The following ALMS1 variants were observed in gnomAD, a reference collection of about 807,000 sequenced individuals.
ALMS1 encodes centrosome-associated protein ALMS1.
A neutral mutation model predicts 352.2 loss-of-function variants in ALMS1; 271 were observed. The ratio of observed to expected loss-of-function variants is 0.77; its 90% CI spans 0.70 to 0.85. The LOEUF (loss-of-function observed/expected upper bound fraction) is 0.85, where lower values mean the gene tolerates loss of function less well. ALMS1 is among the 40% of genes least tolerant of loss of function. ALMS1 has a pLI of 0.00. For missense variants in ALMS1, 5,445 were observed against 4,870.7 expected (o/e 1.12, Z -3.51); for synonymous variants, 1,865 against 1,761.2 (o/e 1.06, Z -1.48).
chr2:73,440,468 C>A lies in ALMS1; in HGVS notation c.1433-7492C>A, dbSNP rs137895300. 2.2e-4 allele frequency among the ~76,000 whole-genome samples: 34 copies of A among 152,248 alleles called. No individual in the cohort carries two copies. The East Asian group carries it at 3.3e-3, about 15-fold the overall frequency. On this transcript the variant is annotated intron_variant, in intron 7 of 22. Transcript: ENST00000613296. ...GTTCGCTGTCTTTCTCTCTCTCTCTCTCTTGCTGTCTCTTTCTCTCTCTCG... is the reference window on the plus strand; with the variant it reads ...GTTCGCTGTCTTTCTCTCTCTCTCTATCTTGCTGTCTCTTTCTCTCTCTCG...
intron 9 of ALMS1, among the ~76,000 whole-genome samples, chr2:73,488,338 C>G (rs1672899850): frequency 6.6e-6 from 1 of 152,218 alleles, no homozygotes; most frequent in Admixed American, 6.5e-5. Flanking sequence ...GCACACCTGG[C>G]TGGGTCGCAA....
In ALMS1 at chr2:73,568,639, T is replaced by A. The variant is rs183984544; in HGVS notation, c.10385-3623T>A. Among the ~76,000 whole-genome samples the A allele has an allele frequency of 5.4e-3, 827 of 152,320 alleles. 2 individuals carry two copies. The highest frequency in any genetic ancestry group is 8.2e-3 in the Non-Finnish European group (560 of 68,020). ...ATTGGTTATCACCAGAAAGTGGAAC[T>A]AGGAGGTTCAGAGATAACCGGGAGA... is the stretch of plus-strand genomic sequence containing the variant. On this transcript the variant is annotated intron_variant, in intron 15 of 22. Coordinates refer to ENST00000613296, the MANE Select transcript of ALMS1 (RefSeq NM_001378454.1).
chr2:73,454,222 A>G, intron 8 of ALMS1, 155 bp downstream of exon 8: 1 of 905,942 alleles, frequency 1.1e-6, no homozygotes, highest in Non-Finnish European at 1.3e-6. Flanking sequence ...TGTATTTTCC[A>G]ATAGAATTGT....
chr2:73,443,294 A>G (rs1671751806), intron 7 of ALMS1, among the ~76,000 whole-genome samples: 1 of 152,002 alleles, frequency 6.6e-6, no homozygotes, highest in South Asian at 2.1e-4. Context: ...TTTCATAGTG[A>G]ACTACTCTCA....
Position 73,578,699 on chromosome 2 carries a change from C to G in ALMS1, c.11547+5275C>G, listed in dbSNP as rs144792245. On this transcript the variant is annotated intron_variant, in intron 16 of 22. Coordinates refer to ENST00000613296, the MANE Select transcript of ALMS1 (RefSeq NM_001378454.1). ...ATACACAAAAACTGTGGGTAGACATCTCCATCCCTTCCTCTTTAATTGTTA... is the reference window on the plus strand; with the variant it reads ...ATACACAAAAACTGTGGGTAGACATGTCCATCCCTTCCTCTTTAATTGTTA... Among the ~76,000 whole-genome samples, 317 of 152,286 alleles carry G rather than the reference C, an allele frequency of 2.1e-3. 1 individual carries two copies. Among genetic ancestry groups the G allele is most frequent in the African/African-American group, 7.4e-3 (307 of 41,574 alleles).
chr2:73,509,289 T>G (rs1291558129), intron 10 of ALMS1, among the ~76,000 whole-genome samples: 2 of 152,192 alleles, frequency 1.3e-5, no homozygotes, highest in East Asian at 3.8e-4. Flanking sequence ...GATCCTGTCA[T>G]TATGATGCTA....
Position 73,448,966 on chromosome 2 carries a change from CAG to C in ALMS1, c.2445_2446del (p.Lys816AlafsTer29), listed in dbSNP as rs765764128. 6.2e-7 allele frequency: 1 copy of C among 1,613,880 alleles called. No homozygotes were observed. The highest frequency in any genetic ancestry group is 8.5e-7 in the Non-Finnish European group (1 of 1,179,910). On this transcript the variant is annotated frameshift_variant, in exon 8 of 23. Transcript: ENST00000613296. LOFTEE classifies it high-confidence loss of function. ...PTVPSSAYSHREKLLVFYQQA... is the reference protein window; with the variant it reads ...PTVPSSAYSHXEKLLVFYQQA... ...CAGTACCCTCTAGTGCATACTCACA[CAG>C]AGAGAAGCTCCTTGTTTTCTACCAA...
At chr2:73,545,507 C>T (rs1025429273) in intron 12 of ALMS1, among the ~76,000 whole-genome samples, 5 of 152,016 alleles carry the variant, frequency 3.3e-5, no homozygotes, top group African/African-American at 1.2e-4. Flanking sequence ...TATATTTTAC[C>T]ACAGTTAAAA....
At chr2:73,601,760 T>C (rs947486536) in intron 19 of ALMS1, among the ~76,000 whole-genome samples, 5 of 152,246 alleles carry the variant, frequency 3.3e-5, no homozygotes, top group African/African-American at 1.2e-4. Flanking sequence ...TGCGGCCTCA[T>C]GTGTGTTCCT....
At chr2:73,524,720 T>C (rs541586864) in intron 11 of ALMS1, among the ~76,000 whole-genome samples, 1 of 152,318 alleles carries the variant, frequency 6.6e-6, no homozygotes, top group Non-Finnish European at 1.5e-5. Flanking sequence ...CCCAAAGTGC[T>C]GGATTACAGA....
intron 22 of ALMS1, among the ~76,000 whole-genome samples, chr2:73,609,125 A>G (rs960780560): frequency 6.6e-6 from 1 of 152,230 alleles, no homozygotes; most frequent in Non-Finnish European, 1.5e-5. Context: ...ACCGGCTCCT[A>G]TGCCTGAAGG....
At chr2:73,456,466 G>A (rs1418500508) in intron 9 of ALMS1, among the ~76,000 whole-genome samples, 3 of 152,164 alleles carry the variant, frequency 2.0e-5, no homozygotes, top group African/African-American at 7.2e-5. Context: ...TTTTGGTGTG[G>A]ATTATGTGAG....
intron 21 of ALMS1, chr2:73,603,513 T>C: frequency 1.8e-6 from 1 of 562,222 alleles, no homozygotes; most frequent in African/African-American, 1.9e-5. Flanking sequence ...GAAAAACTTC[T>C]CACTAATTTG....
chr2:73,545,474 C>T (rs768882145), intron 12 of ALMS1, among the ~76,000 whole-genome samples: 3 of 152,122 alleles, frequency 2.0e-5, no homozygotes, highest in East Asian at 3.8e-4. Flanking sequence ...AGCCACCGCA[C>T]GTGGTCATGG....
intron 2 of ALMS1, among the ~76,000 whole-genome samples, chr2:73,409,596 C>T (rs1324196103): frequency 1.3e-5 from 2 of 151,928 alleles, no homozygotes; most frequent in African/African-American, 2.4e-5. Context: ...TGACTGTTTT[C>T]CAAAACAAAA....
chr2:73,593,157 T>C (rs978776609), intron 16 of ALMS1, among the ~76,000 whole-genome samples: 13 of 151,960 alleles, frequency 8.6e-5, no homozygotes, highest in Admixed American at 6.6e-4. Context: ...GTGAACTGTT[T>C]TGGTTTACTG....
intron 10 of ALMS1, among the ~76,000 whole-genome samples, chr2:73,508,141 C>CCCTTTCCTTT (rs376391271): frequency 5.0e-4 from 73 of 146,648 alleles, no homozygotes; most frequent in African/African-American, 8.0e-4. Context: ...CTTTCCCTTT[C>CCCTTTCCTTT]CCTTTCCTTT....
intron 15 of ALMS1, among the ~76,000 whole-genome samples, chr2:73,563,738 AAAT>A (rs1674716638): frequency 7.8e-6 from 1 of 128,714 alleles, no homozygotes. Context: ...AAAAAAAAAA[AAAT>A]AAAAATAAAA....
At position 73,453,907 on chromosome 2, in the gene ALMS1, G is replaced by A. The variant is rs2103793805; in HGVS notation, c.7380G>A (p.Arg2460=). ...VSPKTSITDS[R]EEEGVSESED... is the part of the protein sequence containing the mutation. ...CCAAGACAAGTATAACAGATAGCAGGGAGGAAGAGGGTGTGTCAGAGAGTG... is the reference window on the plus strand; with the variant it reads ...CCAAGACAAGTATAACAGATAGCAGAGAGGAAGAGGGTGTGTCAGAGAGTG... The change falls in exon 8 of 23, where the codon AGG becomes AGA. Residue 2460 remains arginine (R), a synonymous_variant. Transcript: ENST00000613296. 1.2e-6 allele frequency: 2 copies of A among 1,614,058 alleles called. No individual in the cohort carries two copies. The highest frequency in any genetic ancestry group is 1.7e-6 in the Non-Finnish European group (2 of 1,179,984).
Sources: gnomAD v4.1 joint callset for allele counts (sites outside exome capture counted in the v4.1 genomes callset) on GRCh38, gnomAD v4.1.1 for gene constraint, MANE v1.5 for transcripts, NCBI Gene and HGNC (gene_info 2026-07-23, HGNC 2026-07-21) for gene names.